POU6F2: variants seen among roughly 807,000 people sequenced by gnomAD.
POU6F2 encodes the protein POU class 6 homeobox 2.
POU6F2 carries 31 observed loss-of-function variants against 71.3 expected under a neutral mutation model. The observed-to-expected ratio is 0.43, with a 90% confidence interval of 0.33 to 0.59. POU6F2 has a LOEUF of 0.59. Ranked by LOEUF, POU6F2 falls within the 20% of genes least tolerant of loss-of-function variation. The pLI, the probability that POU6F2 is intolerant of heterozygous loss-of-function variation, is 0.04. For missense variants in POU6F2, 783 were observed against 856.8 expected, an observed-to-expected ratio of 0.91 and a Z score of 1.07; for synonymous variants, 347 against 355.7, an observed-to-expected ratio of 0.98 and a Z score of 0.27.
At chr7:39,238,989 G>A (rs1291260474) in intron 4 of POU6F2, among the ~76,000 whole-genome samples, 1 of 152,146 alleles carries the variant, frequency 6.6e-6, no homozygotes, top group Non-Finnish European at 1.5e-5. Context: ...GGTGATGCAA[G>A]TCAGAGTAGG....
rs138532675 is a variant in POU6F2, at chr7:39,222,664, G to A, written c.598+15044G>A. ...ATAGAAGTGGAATCATATAGTATTC[G>A]TCCTTTTGTAACTGGCTTGTTTTGC... On this transcript the variant is annotated intron_variant, in intron 4 of 9. Transcript: ENST00000518318. Among the ~76,000 whole-genome samples the A allele has an allele frequency of 1.2e-4, 18 of 152,188 alleles. No homozygotes were observed. The East Asian group carries it at 1.9e-3, about 16-fold the overall frequency.
rs557114755 is a variant in POU6F2 at position 39,012,276 on chromosome 7, A to G, written c.105+34218A>G. Among the ~76,000 whole-genome samples, 1,514 of 151,934 alleles carry G rather than the reference A, an allele frequency of 1.0e-2. 28 individuals are homozygous for G. Among genetic ancestry groups the G allele is most frequent in the African/African-American group, 0.034 (1,416 of 41,398 alleles). On this transcript the variant is annotated intron_variant, in intron 1 of 9. Coordinates refer to ENST00000518318, the MANE Select transcript of POU6F2 (RefSeq NM_001370959.1). ...CTTCTCGCTTCATTTCATTCATTTC[A>G]TCTTCCATTGCTGATACCCTTTCTT...
Position 39,333,036 on chromosome 7 carries a change from T to A in POU6F2, c.599-6606T>A, listed in dbSNP as rs547107096. Among the ~76,000 whole-genome samples the A allele has an allele frequency of 2.1e-4, 32 of 152,280 alleles. 1 individual carries two copies. In the South Asian group the frequency reaches 6.6e-3, roughly 32 times the overall value. On this transcript the variant is annotated intron_variant, in intron 4 of 9. Coordinates refer to ENST00000518318, the MANE Select transcript of POU6F2 (RefSeq NM_001370959.1). ...AGGTGGAAATAGTGGGGAAGTCAGC[T>A]GTTCCATAAAGAGACCTCAGCAAGC...
intron 2 of POU6F2, among the ~76,000 whole-genome samples, chr7:39,140,457 G>C (rs896814992): frequency 6.6e-6 from 1 of 152,230 alleles, no homozygotes; most frequent in Non-Finnish European, 1.5e-5. Context: ...AGAAATCAAA[G>C]TGTCAGCAGG....
intron 1 of POU6F2, among the ~76,000 whole-genome samples, chr7:39,055,790 T>C (rs1790494439): frequency 6.6e-6 from 1 of 152,012 alleles, no homozygotes; most frequent in South Asian, 2.1e-4. Flanking sequence ...GCACAGAAAG[T>C]TTTCTTTTTT....
chr7:39,391,925 A>C (rs1317565143), intron 5 of POU6F2, among the ~76,000 whole-genome samples: 1 of 152,212 alleles, frequency 6.6e-6, no homozygotes, highest in Admixed American at 6.5e-5. Context: ...CACTAGTCCC[A>C]TTCCCAGCCC....
chr7:39,413,974 C>G (rs1045788253), intron 6 of POU6F2, among the ~76,000 whole-genome samples: 5 of 152,190 alleles, frequency 3.3e-5, no homozygotes, highest in Non-Finnish European at 5.9e-5. Flanking sequence ...TCCCCTGGTC[C>G]GAGGAGCCGG....
chr7:39,299,895 C>T (rs1346318893), intron 4 of POU6F2, among the ~76,000 whole-genome samples: 1 of 152,202 alleles, frequency 6.6e-6, no homozygotes, highest in African/African-American at 2.4e-5. Context: ...TTCCTTCAGG[C>T]CATGCTTTTT....
At chr7:39,234,490 A>AT (rs935378951) in intron 4 of POU6F2, among the ~76,000 whole-genome samples, 30 of 149,844 alleles carry the variant, frequency 2.0e-4, no homozygotes, top group African/African-American at 2.9e-4. Flanking sequence ...GGATTTAGTG[A>AT]TTTTTTTTTT....
At chr7:39,093,251 G>T (rs1241494534) in intron 2 of POU6F2, among the ~76,000 whole-genome samples, 1 of 151,980 alleles carries the variant, frequency 6.6e-6, no homozygotes, top group African/African-American at 2.4e-5. Flanking sequence ...AGGGGAAAAT[G>T]ATCAGATTAT....
chr7:39,358,145 C>T lies in POU6F2; in HGVS notation c.972+18130C>T, dbSNP rs961159720. The stretch of plus-strand genomic sequence containing the variant: ...ACCACTGACTGGATATCTGATGATA[C>T]GAAAGAATTATTTTTAATATTTTTT... On this transcript the variant is annotated intron_variant, in intron 5 of 9. Coordinates refer to ENST00000518318, the MANE Select transcript of POU6F2 (RefSeq NM_001370959.1). 5.3e-5 allele frequency among the ~76,000 whole-genome samples: 8 copies of T among 151,456 alleles called. 1 individual carries two copies. The highest frequency in any genetic ancestry group is 3.3e-4 in the Admixed American group (5 of 14,964).
At chr7:39,189,028 A>G (rs1210656977) in intron 2 of POU6F2, among the ~76,000 whole-genome samples, 1 of 152,234 alleles carries the variant, frequency 6.6e-6, no homozygotes, top group Non-Finnish European at 1.5e-5. Flanking sequence ...TTTGGGGTCC[A>G]TCATATACTC....
chr7:39,051,185 A>G lies in POU6F2; in HGVS notation c.106-34675A>G, dbSNP rs191436311. Among the ~76,000 whole-genome samples the G allele has an allele frequency of 2.0e-5, 3 of 152,196 alleles. No individual in the cohort carries two copies. The East Asian group carries it at 5.8e-4, about 29-fold the overall frequency. On this transcript the variant is annotated intron_variant, in intron 1 of 9. Transcript: ENST00000518318. ...TTTTATTATTTTGAATTTTCATGCAAATGAACCTCAGATCATTGCTTAGAG... is the reference window on the plus strand; with the variant it reads ...TTTTATTATTTTGAATTTTCATGCAGATGAACCTCAGATCATTGCTTAGAG...
intron 1 of POU6F2, among the ~76,000 whole-genome samples, chr7:39,047,189 C>A (rs1790307209): frequency 6.6e-6 from 1 of 151,796 alleles, no homozygotes; most frequent in Non-Finnish European, 1.5e-5. Flanking sequence ...TTATTCCAGG[C>A]TCTCTGCATT....
rs556185110 is a variant in POU6F2, at chr7:39,321,854, T to C, written c.599-17788T>C. 2.0e-5 allele frequency among the ~76,000 whole-genome samples: 3 copies of C among 151,990 alleles called. No individual in the cohort carries two copies. In the South Asian group the frequency reaches 6.3e-4, roughly 32 times the overall value. On this transcript the variant is annotated intron_variant, in intron 4 of 9. Transcript: ENST00000518318. ...AGAGAAGTAGGGGAGGAGGGAGCTA[T>C]ACTTTAAGAATAAACATTGTATATA...
intron 2 of POU6F2, among the ~76,000 whole-genome samples, chr7:39,199,489 A>AT (rs111962370): frequency 0.83 from 125,270 of 151,316 alleles, 52,278 homozygotes; most frequent in East Asian, 1. Flanking sequence ...TGTTGTACCA[A>AT]TTTTTTTTTA....
intron 6 of POU6F2, among the ~76,000 whole-genome samples, chr7:39,421,987 A>G (rs1335559972): frequency 6.6e-6 from 1 of 152,222 alleles, no homozygotes; most frequent in Non-Finnish European, 1.5e-5. Flanking sequence ...ATAAAGGCTC[A>G]CGAAGTTGGT....
chr7:39,151,346 G>A (rs1260099798), intron 2 of POU6F2, among the ~76,000 whole-genome samples: 1 of 152,154 alleles, frequency 6.6e-6, no homozygotes, highest in Non-Finnish European at 1.5e-5. Context: ...AGTTTTAGAG[G>A]TCAGCATTGA....
intron 5 of POU6F2, among the ~76,000 whole-genome samples, chr7:39,353,890 A>G (rs1786199327): frequency 6.6e-6 from 1 of 152,256 alleles, no homozygotes; most frequent in African/African-American, 2.4e-5. Context: ...AATGAAAAAC[A>G]GGAGAAATTA....
Sources: gnomAD v4.1 joint callset for allele counts (sites outside exome capture counted in the v4.1 genomes callset) on GRCh38, gnomAD v4.1.1 for gene constraint, MANE v1.5 for transcripts, NCBI Gene and HGNC (gene_info 2026-07-23, HGNC 2026-07-21) for gene names.